The following GRM8 variants were observed in gnomAD, a reference collection of about 807,000 sequenced individuals.
The protein encoded by GRM8 is metabotropic glutamate receptor 8.
In GRM8, 47 loss-of-function variants were observed where a neutral mutation model predicts 87.2. That is an observed-to-expected ratio of 0.54 (90% CI 0.43 to 0.69). The LOEUF (loss-of-function observed/expected upper bound fraction) is 0.69, where lower values mean the gene tolerates loss of function less well. Ranked by LOEUF, GRM8 falls within the 30% of genes least tolerant of loss-of-function variation. The pLI is 0.00. For synonymous variants in GRM8, 396 were observed against 404.5 expected (o/e 0.98, Z 0.25); for missense variants, 1,019 against 1,139.2 (o/e 0.89, Z 1.52).
At chr7:127,112,949 T>C (rs1263528163) in intron 2 of GRM8, among the ~76,000 whole-genome samples, 1 of 152,204 alleles carries the variant, frequency 6.6e-6, no homozygotes, top group South Asian at 2.1e-4. Flanking sequence ...TTCTTTCTTA[T>C]CTTTATCTGT....
At chr7:126,999,317 G>A (rs1209394669) in intron 3 of GRM8, among the ~76,000 whole-genome samples, 1 of 151,818 alleles carries the variant, frequency 6.6e-6, no homozygotes, top group Non-Finnish European at 1.5e-5. Context: ...AAATCTTCAG[G>A]ACATTGGACT....
rs183029938 is a variant in GRM8 at position 126,652,566 on chromosome 7, G to A, written c.1358-43068C>T. Among the ~76,000 whole-genome samples the A allele has an allele frequency of 3.1e-4, 47 of 152,256 alleles. No individual in the cohort carries two copies. In the East Asian group the frequency reaches 8.5e-3, roughly 28 times the overall value. ...GCACCATCTAATCAGCTGCCAGCAT[G>A]GCCAGAATATAAAGCAGGCAGAAAA... On this transcript the variant is annotated intron_variant, in intron 7 of 10. Transcript: ENST00000339582.
At chr7:126,489,997 C>T (rs2150634902) in intron 9 of GRM8, among the ~76,000 whole-genome samples, 1 of 152,160 alleles carries the variant, frequency 6.6e-6, no homozygotes, top group Middle Eastern at 3.4e-3. Flanking sequence ...TCCCAACCCC[C>T]CTGTAGTTTT....
At chr7:126,849,943 A>G (rs997787005) in intron 6 of GRM8, among the ~76,000 whole-genome samples, 2 of 152,314 alleles carry the variant, frequency 1.3e-5, no homozygotes, top group Middle Eastern at 6.8e-3. Context: ...TCCAATCAGT[A>G]TAGAAAAGTG....
At chr7:126,986,791 A>G (rs776807063) in intron 3 of GRM8, among the ~76,000 whole-genome samples, 2 of 152,264 alleles carry the variant, frequency 1.3e-5, no homozygotes, top group Non-Finnish European at 2.9e-5. Flanking sequence ...CATAAGTCAT[A>G]TCAAAGACAA....
chr7:127,148,089 T>C (rs2133300334), intron 2 of GRM8, among the ~76,000 whole-genome samples: 1 of 152,148 alleles, frequency 6.6e-6, no homozygotes, highest in East Asian at 1.9e-4. Context: ...CAGTGATTTG[T>C]AGACATGATA....
At position 126,944,306 on chromosome 7, in the gene GRM8, G is replaced by A. The variant is rs186951066; in HGVS notation, c.728-39623C>T. 7.3e-4 allele frequency among the ~76,000 whole-genome samples: 93 copies of A among 127,268 alleles called. 1 individual carries two copies. The highest frequency in any genetic ancestry group is 1.3e-3 in the Non-Finnish European group (76 of 58,272). The allele number at this position is 127,268 out of a possible 152,430, so 83.5% of individuals were successfully genotyped here. A position where few individuals can be genotyped will look rare whatever the true frequency, so the allele number is the denominator to read the frequency against. ...ATACAGAAGTAAAAGTCAGGAATAT[G>A]AGGTGGACCTGGGCTGCATGCGACA... is the stretch of plus-strand genomic sequence containing the variant. On this transcript the variant is annotated intron_variant, in intron 3 of 10. Transcript: ENST00000339582.
chr7:127,122,521 G>C (rs987365369), intron 2 of GRM8, among the ~76,000 whole-genome samples: 1 of 151,598 alleles, frequency 6.6e-6, no homozygotes, highest in African/African-American at 2.4e-5. Flanking sequence ...AGGCACGTCT[G>C]TCTTTTAAAA....
intron 2 of GRM8, among the ~76,000 whole-genome samples, chr7:127,147,564 C>T (rs766381781): frequency 3.9e-5 from 6 of 152,026 alleles, no homozygotes; most frequent in Non-Finnish European, 7.4e-5. Flanking sequence ...GGCTTAATTC[C>T]ACCTTCTGCC....
chr7:126,477,910 T>C (rs1806187225), intron 9 of GRM8, among the ~76,000 whole-genome samples: 1 of 152,124 alleles, frequency 6.6e-6, no homozygotes, highest in Non-Finnish European at 1.5e-5. Context: ...ATCAAGGTGT[T>C]GGCCATGCAG....
chr7:126,590,749 A>G (rs937554990), intron 8 of GRM8, among the ~76,000 whole-genome samples: 1 of 152,166 alleles, frequency 6.6e-6, no homozygotes, highest in Non-Finnish European at 1.5e-5. Context: ...ATTATCAGCC[A>G]ATAATTTTGT....
intron 7 of GRM8, among the ~76,000 whole-genome samples, chr7:126,697,806 T>C (rs1286965905): frequency 6.6e-6 from 1 of 152,140 alleles, no homozygotes; most frequent in Non-Finnish European, 1.5e-5. Context: ...GCTGAAAATA[T>C]AGAAGGGGTG....
intron 3 of GRM8, among the ~76,000 whole-genome samples, chr7:127,056,864 T>C (rs2132541292): frequency 6.6e-6 from 1 of 152,292 alleles, no homozygotes; most frequent in East Asian, 1.9e-4. Context: ...GACATGAAAT[T>C]TTGGTACATT....
intron 6 of GRM8, among the ~76,000 whole-genome samples, chr7:126,900,201 G>A (rs1336470448): frequency 2.0e-5 from 3 of 152,130 alleles, no homozygotes; most frequent in African/African-American, 7.2e-5. Flanking sequence ...ACCTTATGCT[G>A]CCACCTGCTG....
intron 3 of GRM8, among the ~76,000 whole-genome samples, chr7:127,015,072 AAAGAAGGAG>A (rs139270766): frequency 0.092 from 9,412 of 102,654 alleles, 1,135 homozygotes; most frequent in Non-Finnish European, 0.15. Context: ...AAGAAGAAAG[AAAGAAGGAG>A]AAGAAGGAGA....
chr7:126,446,503 T>G (rs1456725878), intron 9 of GRM8, 131 bp from the exon 10 acceptor site: 1 of 623,258 alleles, frequency 1.6e-6, no homozygotes, highest in Non-Finnish European at 2.8e-6. Flanking sequence ...TTATTGAAAT[T>G]GTCCTTAATT....
At chr7:126,666,010 C>T (rs989254130) in intron 7 of GRM8, among the ~76,000 whole-genome samples, 1 of 152,006 alleles carries the variant, frequency 6.6e-6, no homozygotes, top group African/African-American at 2.4e-5. Context: ...TTATTTCTTT[C>T]TTCATTAGGG....
intron 7 of GRM8, among the ~76,000 whole-genome samples, chr7:126,635,497 G>C (rs1801766329): frequency 6.6e-6 from 1 of 152,048 alleles, no homozygotes; most frequent in Non-Finnish European, 1.5e-5. Flanking sequence ...ACTTTATAGA[G>C]TTTTAATGCA....
At chr7:126,915,646 C>G (rs1045435708) in intron 3 of GRM8, among the ~76,000 whole-genome samples, 1 of 151,736 alleles carries the variant, frequency 6.6e-6, no homozygotes, top group Non-Finnish European at 1.5e-5. Flanking sequence ...GACATGGGTA[C>G]AGGAACTGGG....
Sources: gnomAD v4.1 joint callset for allele counts (sites outside exome capture counted in the v4.1 genomes callset) on GRCh38, gnomAD v4.1.1 for gene constraint, MANE v1.5 for transcripts, NCBI Gene and HGNC (gene_info 2026-07-23, HGNC 2026-07-21) for gene names.